Variants in STAT4 observed in about 807,000 individuals in gnomAD.
STAT4 encodes signal transducer and activator of transcription 4.
A neutral mutation model predicts 110.5 loss-of-function variants in STAT4; 42 were observed. The ratio of observed to expected loss-of-function variants is 0.38; its 90% CI spans 0.30 to 0.49. STAT4 has a LOEUF of 0.49. Among genes scored for constraint, STAT4 ranks in the 20% least tolerant of loss-of-function variants. The probability of loss-of-function intolerance (pLI) is 0.95; values close to 1 mark genes in which losing one functional copy is unlikely to be tolerated. For synonymous variants in STAT4, 284 were observed against 302.2 expected, an observed-to-expected ratio of 0.94 and a Z score of 0.63; for missense variants, 632 against 887.9, an observed-to-expected ratio of 0.71 and a Z score of 3.66.
intron 3 of STAT4, among the ~76,000 whole-genome samples, chr2:191,141,465 GTATATCACATACATACATATACATATGTA>G (rs1699326604): frequency 2.9e-5 from 2 of 68,684 alleles, no homozygotes. Context: ...ATATACATAT[GTATATCACATACATACATATACATATGTA>G]TATCACATAT....
chr2:191,093,458 G>C (rs939064363), intron 3 of STAT4, among the ~76,000 whole-genome samples: 1 of 151,768 alleles, frequency 6.6e-6, no homozygotes, highest in Non-Finnish European at 1.5e-5. Flanking sequence ...GTCTGGAGTG[G>C]ACCTCCAGCA....
chr2:191,133,123 A>G (rs1228009760), intron 3 of STAT4, among the ~76,000 whole-genome samples: 2 of 151,168 alleles, frequency 1.3e-5, no homozygotes, highest in East Asian at 3.8e-4. Context: ...ATGGTAAGGA[A>G]ACATTTAATA....
rs557227650 is a variant in STAT4, at chr2:191,104,898, G to A, written c.274-28573C>T. On this transcript the variant is annotated intron_variant, in intron 3 of 23. Coordinates refer to ENST00000392320, the MANE Select transcript of STAT4 (RefSeq NM_003151.4). This position sits in a 1 kb window ranked among gnomAD's most constrained non-coding sequence, Gnocchi z 4.3. The stretch of plus-strand genomic sequence containing the variant: ...AAGTCCCAATGGCCCATCTTATCTG[G>A]CCCCACAGAGACAGGGTAACTGTTG... Among the ~76,000 whole-genome samples the A allele has an allele frequency of 5.3e-5, 8 of 152,142 alleles. No individual in the cohort carries two copies.
chr2:191,151,509 G>C, upstream of STAT4: 1 of 985,582 alleles, frequency 1.0e-6, no homozygotes, highest in Non-Finnish European at 1.2e-6. This position sits in a 1 kb window ranked among gnomAD's most constrained non-coding sequence, Gnocchi z 4.7. Context: ...ACCTGACCCA[G>C]AGGGTTGGGC....
intron 3 of STAT4, among the ~76,000 whole-genome samples, chr2:191,081,811 T>C (rs1046528549): frequency 6.6e-6 from 1 of 152,270 alleles, no homozygotes; most frequent in East Asian, 1.9e-4. Flanking sequence ...CCTGGACTCC[T>C]TGAAGTTCCA....
In STAT4 at chr2:191,062,890, T is replaced by C. The variant is rs571829920; in HGVS notation, c.813A>G (p.Gln271=). ...CTAGTTTCTCCAATTGCCTTCTCAG[T>C]TGGAAAAGACTTTCTGCCAATAGTG... is the stretch of plus-strand genomic sequence containing the variant. The part of the protein sequence containing the change: ...CFTLLAESLF[Q]LRRQLEKLEE... The change falls in exon 9 of 24, where the codon CAA becomes CAG. Residue 271 remains glutamine, a synonymous_variant. Coordinates refer to ENST00000392320, the MANE Select transcript of STAT4 (RefSeq NM_003151.4). This position sits in a 1 kb window ranked among gnomAD's most constrained non-coding sequence, Gnocchi z 4.9. 6.2e-7 allele frequency: 1 copy of C among 1,613,818 alleles called. No homozygotes were observed. Among genetic ancestry groups the C allele is most frequent in the Non-Finnish European group, 8.5e-7 (1 of 1,179,860 alleles).
At chr2:191,133,283 AGGC>A (rs1253449172) in intron 3 of STAT4, among the ~76,000 whole-genome samples, 3 of 151,556 alleles carry the variant, frequency 2.0e-5, no homozygotes, top group African/African-American at 7.3e-5. Context: ...GTATGTGTCT[AGGC>A]ACACTGTCCA....
Position 191,036,261 on chromosome 2 carries a change from C to G in STAT4, c.1473G>C (p.Leu491Phe). Residue 491 changes from leucine (L) to phenylalanine (F), a missense_variant, in exon 17 of 24, where the codon TTG becomes TTC. Around this residue, in one of 4 missense-constraint regions of STAT4, gnomAD observed 488 missense variants for 632.8 expected, o/e 0.77. Coordinates refer to ENST00000392320, the MANE Select transcript of STAT4 (RefSeq NM_003151.4). ...AGCTCATCACCTCCAGTAGTTGACT[C>G]AATGTGGCAGGTGGAGGATTATTAA... ...VFFNNPPPAT[L>F]SQLLEVMSWQ... The G allele has an allele frequency of 6.2e-7, 1 of 1,614,054 alleles. No homozygotes were observed. The highest frequency in any genetic ancestry group is 8.5e-7 in the Non-Finnish European group (1 of 1,180,004).
Position 191,150,336 on chromosome 2 carries a change from C to T in STAT4, c.-2+611G>A, listed in dbSNP as rs192216654. On this transcript the variant is annotated intron_variant, in intron 1 of 23. Transcript: ENST00000392320. The surrounding 1 kb of genome is among the most constrained non-coding windows in gnomAD (Gnocchi z 6.4). ...CTTTGCTTTCACTCTCTAGGGGCTACTTCTTTCTCATGAAAACTGTGACGT... is the reference window on the plus strand; with the variant it reads ...CTTTGCTTTCACTCTCTAGGGGCTATTTCTTTCTCATGAAAACTGTGACGT... 1.2e-3 allele frequency among the ~76,000 whole-genome samples: 190 copies of T among 152,284 alleles called. 2 individuals are homozygous for T. Among genetic ancestry groups the T allele is most frequent in the African/African-American group, 4.2e-3 (175 of 41,552 alleles).
At position 191,104,714 on chromosome 2, in the gene STAT4, GAATGATCCTTTTT is replaced by G. The variant is rs1698232552; in HGVS notation, c.274-28402_274-28390del. 6.6e-6 allele frequency among the ~76,000 whole-genome samples: 1 copy of G among 152,094 alleles called. No individual in the cohort carries two copies. The highest frequency in any genetic ancestry group is 6.6e-5 in the Admixed American group (1 of 15,266). On this transcript the variant is annotated intron_variant, in intron 3 of 23. Transcript: ENST00000392320. This position sits in a 1 kb window ranked among gnomAD's most constrained non-coding sequence, Gnocchi z 4.3. Reference sequence around the variant, plus strand: ...AGGATATATATTGTCAAAGAATAAAGAATGATCCTTTTTAAGTGAATTTTGACTTTGCAAAGAT... The same window carrying G: ...AGGATATATATTGTCAAAGAATAAAGAAGTGAATTTTGACTTTGCAAAGAT...
rs530276128 is a variant in STAT4, at chr2:191,117,876, T to C, written c.273+28737A>G. 4.5e-4 allele frequency among the ~76,000 whole-genome samples: 69 copies of C among 152,302 alleles called. No individual in the cohort carries two copies. The highest frequency in any genetic ancestry group is 1.7e-3 in the African/African-American group (69 of 41,564). ...AAATGGGGGCTGGAAATCTACACTT[T>C]TAACAAGTTCCCCAAGTGATTTTTG... is the stretch of plus-strand genomic sequence containing the variant. On this transcript the variant is annotated intron_variant, in intron 3 of 23. Transcript: ENST00000392320. The surrounding 1 kb of genome is among the most constrained non-coding windows in gnomAD (Gnocchi z 5.2).
rs766497133 is a variant in STAT4, at chr2:191,029,795, A to G, written c.*45T>C. On this transcript the variant is annotated 3_prime_UTR_variant, in exon 24 of 24. Transcript: ENST00000392320. This position sits in a 1 kb window ranked among gnomAD's most constrained non-coding sequence, Gnocchi z 4.5. ...TTATTGGGCAAAGAACAGTCTTTAAACTTTTTCATTTGCTTCCTTTCTTGG... is the reference window on the plus strand; with the variant it reads ...TTATTGGGCAAAGAACAGTCTTTAAGCTTTTTCATTTGCTTCCTTTCTTGG... 1.3e-6 allele frequency: 2 copies of G among 1,574,394 alleles called. No homozygotes were observed. The highest frequency in any genetic ancestry group is 1.7e-6 in the Non-Finnish European group (2 of 1,152,570).
rs1269357763 is a variant in STAT4, at chr2:191,083,822, G to A, written c.274-7497C>T. Among the ~76,000 whole-genome samples the A allele has an allele frequency of 6.6e-6, 1 of 152,076 alleles. No individual in the cohort carries two copies. Among genetic ancestry groups the A allele is most frequent in the Non-Finnish European group, 1.5e-5 (1 of 68,014 alleles). On this transcript the variant is annotated intron_variant, in intron 3 of 23. Transcript: ENST00000392320. The surrounding 1 kb of genome is among the most constrained non-coding windows in gnomAD (Gnocchi z 4.6). ...ACTTACTCATAAATTAAGTAAATAAGCCCAAATGCCTTTCAAGTTCGCATG... is the reference window on the plus strand; with the variant it reads ...ACTTACTCATAAATTAAGTAAATAAACCCAAATGCCTTTCAAGTTCGCATG...
intron 3 of STAT4, among the ~76,000 whole-genome samples, chr2:191,122,605 G>A (rs1248252489): frequency 1.3e-5 from 2 of 152,160 alleles, no homozygotes; most frequent in African/African-American, 4.8e-5. Context: ...AATAGTCTAA[G>A]TATCCACCCA....
At chr2:191,089,702 G>A (rs961769239) in intron 3 of STAT4, among the ~76,000 whole-genome samples, 12 of 152,134 alleles carry the variant, frequency 7.9e-5, no homozygotes, top group African/African-American at 2.7e-4. Flanking sequence ...CCATCTAGAC[G>A]ATAGAATATT....
intron 4 of STAT4, 99 bp downstream of exon 4, chr2:191,076,128 A>G (rs1697310673): frequency 3.1e-6 from 3 of 958,822 alleles, no homozygotes; most frequent in Non-Finnish European, 4.9e-6. Flanking sequence ...TGTTAGGATT[A>G]CAGGTGTGAG....
rs1178309773 is a variant in STAT4, at chr2:191,043,526, C to A, written c.1252-2378G>T. On this transcript the variant is annotated intron_variant, in intron 14 of 23. Transcript: ENST00000392320. This position sits in a 1 kb window ranked among gnomAD's most constrained non-coding sequence, Gnocchi z 4.8. ...TCAGTATCTAGAAAAGTAGAAGATG[C>A]ACATTACCTATACGTAACAATTCTT... Among the ~76,000 whole-genome samples the A allele has an allele frequency of 6.6e-6, 1 of 152,028 alleles. No homozygotes were observed. Among genetic ancestry groups the A allele is most frequent in the African/African-American group, 2.4e-5 (1 of 41,390 alleles).
chr2:191,134,072 C>G (rs192269776), intron 3 of STAT4, among the ~76,000 whole-genome samples: 44 of 152,318 alleles, frequency 2.9e-4, no homozygotes, highest in Non-Finnish European at 1.5e-5. Flanking sequence ...GGGGCTCATA[C>G]AACACAGTCT....
In STAT4 at chr2:191,077,487, T is replaced by C. The variant is rs1697348696; in HGVS notation, c.274-1162A>G. Among the ~76,000 whole-genome samples, 1 of 151,904 alleles carries C rather than the reference T, an allele frequency of 6.6e-6. No homozygotes were observed. On this transcript the variant is annotated intron_variant, in intron 3 of 23. Transcript: ENST00000392320. This position sits in a 1 kb window ranked among gnomAD's most constrained non-coding sequence, Gnocchi z 4.1. Reference sequence around the variant, plus strand: ...GCATTTATTTAGTTTCCCTCAGCCCTCCTCCCTGAAGCTGGTGTGAATATA... The same window carrying C: ...GCATTTATTTAGTTTCCCTCAGCCCCCCTCCCTGAAGCTGGTGTGAATATA...
Sources: allele counts gnomAD v4.1 joint callset (sites outside exome capture counted in the v4.1 genomes callset), GRCh38; gene constraint gnomAD v4.1.1; regional missense constraint gnomAD v4.1.1; non-coding constraint Gnocchi (gnomAD v3.1); transcripts MANE v1.5; gene names NCBI Gene and HGNC (gene_info 2026-07-23, HGNC 2026-07-21).